The following VPS13C variants were observed in gnomAD, a reference collection of about 807,000 sequenced individuals.
VPS13C encodes the protein intermembrane lipid transfer protein VPS13C.
A neutral mutation model predicts 456.8 loss-of-function variants in VPS13C; 358 were observed. The ratio of observed to expected loss-of-function variants is 0.78; its 90% CI spans 0.72 to 0.86. The LOEUF (loss-of-function observed/expected upper bound fraction) is 0.86. VPS13C is among the 40% of genes least tolerant of loss of function. The pLI is 0.00. For synonymous variants in VPS13C, 1,578 were observed against 1,486.7 expected (o/e 1.06, Z -1.41); for missense variants, 4,818 against 4,385.4 (o/e 1.10, Z -2.79).
In VPS13C at chr15:61,853,355, CAG is replaced by C. The variant is rs1893743421; in HGVS notation, c.*1100_*1101del. The stretch of plus-strand genomic sequence containing the variant: ...TAAAAATATTGAATTTTACATATTT[CAG>C]AGTCTTGAGAAACTTAAAGTGCAGT... On this transcript the variant is annotated 3_prime_UTR_variant, in exon 85 of 85. Coordinates refer to ENST00000644861, the MANE Select transcript of VPS13C (RefSeq NM_020821.3). 2 of 152,118 alleles carry C rather than the reference CAG, an allele frequency of 1.3e-5. No individual in the cohort carries two copies. The highest frequency in any genetic ancestry group is 6.5e-5 in the Admixed American group (1 of 15,280). 9.4% of individuals were successfully genotyped at this position (152,118 alleles called of 1,614,324 possible). A position where few individuals can be genotyped will look rare whatever the true frequency, so the allele number is the denominator to read the frequency against.
At chr15:61,981,981 T>C (rs2045902615) in intron 21 of VPS13C, among the ~76,000 whole-genome samples, 1 of 152,204 alleles carries the variant, frequency 6.6e-6, no homozygotes, top group Admixed American at 6.5e-5. Flanking sequence ...ATATAGTCAA[T>C]GGTAAACAAT....
intron 62 of VPS13C, among the ~76,000 whole-genome samples, chr15:61,912,258 A>G (rs1445188148): frequency 6.6e-6 from 1 of 152,222 alleles, no homozygotes; most frequent in Non-Finnish European, 1.5e-5. Flanking sequence ...CAGATTTAAT[A>G]CGTCTAGCAT....
intron 3 of VPS13C, among the ~76,000 whole-genome samples, chr15:62,038,100 T>C (rs1028940516): frequency 6.6e-6 from 1 of 152,126 alleles, no homozygotes; most frequent in African/African-American, 2.4e-5. Context: ...TAAGTAAAAT[T>C]ATAGGAGTAA....
At chr15:62,043,719 A>G (rs979767949) in intron 2 of VPS13C, among the ~76,000 whole-genome samples, 12 of 152,184 alleles carry the variant, frequency 7.9e-5, no homozygotes, top group Non-Finnish European at 1.8e-4. Flanking sequence ...CTAAACAGAA[A>G]CCTAATTGGG....
At chr15:62,050,629 C>G (rs887660522) in intron 1 of VPS13C, among the ~76,000 whole-genome samples, 2 of 152,044 alleles carry the variant, frequency 1.3e-5, no homozygotes, top group Non-Finnish European at 2.9e-5. Flanking sequence ...GAAACCCTGT[C>G]TCTACCTAAA....
At chr15:61,970,579 T>G (rs930591675) in intron 27 of VPS13C, among the ~76,000 whole-genome samples, 3 of 152,078 alleles carry the variant, frequency 2.0e-5, no homozygotes, top group Non-Finnish European at 2.9e-5. Context: ...GCGGATCACT[T>G]GAGCCCGAGA....
intron 47 of VPS13C, among the ~76,000 whole-genome samples, chr15:61,938,380 C>A (rs977086493): frequency 6.6e-6 from 1 of 152,154 alleles, no homozygotes; most frequent in African/African-American, 2.4e-5. Flanking sequence ...CTGCCTGATA[C>A]CCTTTTTTAG....
At chr15:61,876,349 C>A (rs1305218113) in intron 75 of VPS13C, among the ~76,000 whole-genome samples, 1 of 151,714 alleles carries the variant, frequency 6.6e-6, no homozygotes, top group East Asian at 1.9e-4. Context: ...ATACATAATT[C>A]AGTAATTGTT....
Position 61,913,399 on chromosome 15 carries a change from G to T in VPS13C, c.8462C>A (p.Ser2821Ter). The change falls in exon 62 of 85, where the codon TCA (serine) becomes TAA (stop). Residue 2821 changes from serine (S) to a stop codon, truncating the protein, a stop_gained. Coordinates refer to ENST00000644861, the MANE Select transcript of VPS13C (RefSeq NM_020821.3). LOFTEE classifies it high-confidence loss of function. ...GAAACTACTGGACCAGGCACTGGTTGAAATTTTTAATTGTACCTATACCAG... is the reference window on the plus strand; with the variant it reads ...GAAACTACTGGACCAGGCACTGGTTTAAATTTTTAATTGTACCTATACCAG... Reference protein sequence around the residue: ...FTKNKVQLKISTSAWSSSFSL... With the variant: ...FTKNKVQLKI 6.2e-7 allele frequency: 1 copy of T among 1,613,928 alleles called. No homozygotes were observed. Among genetic ancestry groups the T allele is most frequent in the Non-Finnish European group, 8.5e-7 (1 of 1,179,882 alleles).
chr15:61,916,699 A>G (rs1453040797), intron 60 of VPS13C, among the ~76,000 whole-genome samples: 1 of 152,110 alleles, frequency 6.6e-6, no homozygotes, highest in African/African-American at 2.4e-5. Context: ...CATATTTTAA[A>G]ATATACTGCC....
At chr15:61,989,561 A>G (rs909186558) in intron 18 of VPS13C, among the ~76,000 whole-genome samples, 3 of 152,124 alleles carry the variant, frequency 2.0e-5, no homozygotes, top group Non-Finnish European at 4.4e-5. Flanking sequence ...CTACAAACCA[A>G]TAAGAAAAAA....
chr15:61,988,089 T>C (rs984815704), intron 18 of VPS13C, among the ~76,000 whole-genome samples: 5 of 152,180 alleles, frequency 3.3e-5, no homozygotes, highest in African/African-American at 1.2e-4. Flanking sequence ...CATGGATGAA[T>C]ATCAAAAATA....
intron 60 of VPS13C, 118 bp downstream of exon 60, chr15:61,917,223 G>T (rs537732109): frequency 1.9e-6 from 2 of 1,033,286 alleles, no homozygotes; most frequent in East Asian, 2.6e-5. Context: ...CATTATGAAG[G>T]CATTACACAT....
At chr15:61,940,944 T>G in intron 46 of VPS13C, 150 bp from the exon 47 acceptor site, 1 of 818,806 alleles carries the variant, frequency 1.2e-6, no homozygotes, top group Non-Finnish European at 1.8e-6. Context: ...TTCACATTTT[T>G]AAGATCAATC....
chr15:61,979,655 T>C (rs1004100869), intron 22 of VPS13C, among the ~76,000 whole-genome samples: 1 of 152,184 alleles, frequency 6.6e-6, no homozygotes. Flanking sequence ...CATTCCCTAA[T>C]TGAAGAGGAC....
chr15:61,919,193 G>A lies in VPS13C; in HGVS notation c.7638+96C>T, dbSNP rs1249830300. 4 of 1,203,680 alleles carry A rather than the reference G, an allele frequency of 3.3e-6. No individual in the cohort carries two copies. The South Asian group carries it at 6.2e-5, about 19-fold the overall frequency. 74.6% of individuals were successfully genotyped at this position (1,203,680 alleles called of 1,614,324 possible). ...TATTTATTTCTGAATAATCAGAATT[G>A]ACCTGATGAAGTTTTACTGTATTCC... On this transcript the variant is annotated intron_variant, in intron 58 of 84. Transcript: ENST00000644861.
At chr15:62,008,851 C>A in intron 13 of VPS13C, 90 bp from the exon 14 acceptor site, 1 of 652,192 alleles carries the variant, frequency 1.5e-6, no homozygotes. Context: ...TAGTGAGACT[C>A]CAAATACCCT....
intron 45 of VPS13C, among the ~76,000 whole-genome samples, chr15:61,943,860 A>G (rs573615129): frequency 6.6e-6 from 1 of 152,150 alleles, no homozygotes; most frequent in African/African-American, 2.4e-5. Context: ...CCTACAAAAT[A>G]GAAAAAATGT....
rs756868320 is a variant in VPS13C at position 61,962,448 on chromosome 15, T to C, written c.3526A>G (p.Lys1176Glu). Residue 1176 changes from lysine to glutamate, a missense_variant, in exon 34 of 85, where the codon AAA becomes GAA. Coordinates refer to ENST00000644861, the MANE Select transcript of VPS13C (RefSeq NM_020821.3). ...TTCAGAGACAGCACACCATCCACTT[T>C]GGACATGTCAGTATACAAATCCCCC... ...TEGDLYTDMS[K>E]VDGVLSLNVG... 6.2e-7 allele frequency: 1 copy of C among 1,611,904 alleles called. No homozygotes were observed. Among genetic ancestry groups the C allele is most frequent in the Admixed American group, 1.7e-5 (1 of 59,954 alleles).
Sources: gnomAD v4.1 joint callset for allele counts (sites outside exome capture counted in the v4.1 genomes callset) on GRCh38, gnomAD v4.1.1 for gene constraint, MANE v1.5 for transcripts, NCBI Gene and HGNC (gene_info 2026-07-23, HGNC 2026-07-21) for gene names.